The following PTPRN2 variants were observed in gnomAD, a reference collection of about 807,000 sequenced individuals.
PTPRN2 encodes the protein protein tyrosine phosphatase receptor type N2, also known as receptor-type tyrosine-protein phosphatase N2.
In PTPRN2, 74 loss-of-function variants were observed where a neutral mutation model predicts 118.8. The observed-to-expected ratio is 0.62, with a 90% CI of 0.52 to 0.76. The LOEUF is 0.76. Among genes scored for constraint, PTPRN2 ranks in the 30% least tolerant of loss-of-function variants. The pLI, the probability that PTPRN2 is intolerant of heterozygous loss-of-function variation, is 0.00. For missense variants in PTPRN2, 1,481 were observed against 1,394.4 expected (o/e 1.06, Z -0.99); for synonymous variants, 641 against 608.0 (o/e 1.05, Z -0.80).
At chr7:157,817,137 G>C (rs2071375394) in intron 12 of PTPRN2, among the ~76,000 whole-genome samples, 1 of 152,246 alleles carries the variant, frequency 6.6e-6, no homozygotes, top group Non-Finnish European at 1.5e-5. Context: ...CTCCTCCCCA[G>C]GCTGCTTACG....
At chr7:158,004,978 C>T (rs1805538506) in intron 11 of PTPRN2, among the ~76,000 whole-genome samples, 1 of 152,092 alleles carries the variant, frequency 6.6e-6, no homozygotes, top group Non-Finnish European at 1.5e-5. Context: ...GGGAGAAACA[C>T]ACACCTCCCC....
At chr7:158,227,500 C>T (rs563713084) in intron 3 of PTPRN2, among the ~76,000 whole-genome samples, 1 of 152,224 alleles carries the variant, frequency 6.6e-6, no homozygotes, top group African/African-American at 2.4e-5. Flanking sequence ...GAGCCCCTGA[C>T]GTGTGACGGG....
Position 157,617,129 on chromosome 7 carries a change from T to C in PTPRN2, c.2344+4233A>G. The C allele has an allele frequency of 6.6e-6, 1 of 152,412 alleles. No individual in the cohort carries two copies. The highest frequency in any genetic ancestry group is 1.5e-5 in the Non-Finnish European group (1 of 68,090). 9.4% of individuals were successfully genotyped at this position (152,412 alleles called of 1,614,324 possible). ...TTGTCGGCCAAGTGGGGGGGTTTCT[T>C]GTGAGGACCAGAGGTGGCACATCCA... On this transcript the variant is annotated intron_variant, in intron 15 of 22. Coordinates refer to ENST00000389418, the MANE Select transcript of PTPRN2 (RefSeq NM_002847.5). This position sits in a 1 kb window ranked among gnomAD's most constrained non-coding sequence, Gnocchi z 7.5.
intron 2 of PTPRN2, among the ~76,000 whole-genome samples, chr7:158,432,492 A>G (rs1260660906): frequency 4.6e-5 from 7 of 152,204 alleles, no homozygotes; most frequent in African/African-American, 1.4e-4. Context: ...CCCCACCTCT[A>G]CCAGGGAAGG....
chr7:158,177,695 T>C (rs1296914516), intron 5 of PTPRN2, among the ~76,000 whole-genome samples: 1 of 152,258 alleles, frequency 6.6e-6, no homozygotes, highest in Non-Finnish European at 1.5e-5. Flanking sequence ...TGCTGTTTCA[T>C]GCATCAACAG....
rs1318523573 is a variant in PTPRN2, at chr7:157,801,686, T to C, written c.1788+96987A>G. On this transcript the variant is annotated intron_variant, in intron 12 of 22. Coordinates refer to ENST00000389418, the MANE Select transcript of PTPRN2 (RefSeq NM_002847.5). This position sits in a 1 kb window ranked among gnomAD's most constrained non-coding sequence, Gnocchi z 4.2. ...AATTTGATGGGCACGCTATGATTTA[T>C]TGCCAAATGATATTTAAGAAAAATT... Among the ~76,000 whole-genome samples, 3 of 152,188 alleles carry C rather than the reference T, an allele frequency of 2.0e-5. No individual in the cohort carries two copies. Among genetic ancestry groups the C allele is most frequent in the Non-Finnish European group, 4.4e-5 (3 of 68,030 alleles).
chr7:157,613,213 G>A lies in PTPRN2; in HGVS notation c.2344+8149C>T, dbSNP rs777109961. Among the ~76,000 whole-genome samples the A allele has an allele frequency of 3.3e-5, 5 of 152,258 alleles. No homozygotes were observed. The East Asian group carries it at 5.8e-4, about 18-fold the overall frequency. ...CCGCAAACAGGTCGAGGGCGCTGAC[G>A]AGGCCGTTTTCTGGGCTAAGCAGCG... On this transcript the variant is annotated intron_variant, in intron 15 of 22. Transcript: ENST00000389418.
At chr7:158,340,677 C>T (rs553100477) in intron 2 of PTPRN2, among the ~76,000 whole-genome samples, 2 of 96,384 alleles carry the variant, frequency 2.1e-5, no homozygotes, top group Non-Finnish European at 4.6e-5. Context: ...CACACCCACA[C>T]TCTCACCATA....
intron 12 of PTPRN2, among the ~76,000 whole-genome samples, chr7:157,772,120 T>G (rs556869506): frequency 2.4e-5 from 3 of 124,980 alleles, no homozygotes; most frequent in South Asian, 5.2e-4. Flanking sequence ...CACACAGACA[T>G]ACACATACAC....
chr7:157,995,415 C>G (rs1804653890), intron 11 of PTPRN2, among the ~76,000 whole-genome samples: 1 of 152,272 alleles, frequency 6.6e-6, no homozygotes, highest in Non-Finnish European at 1.5e-5. Flanking sequence ...CGGTTTCTAT[C>G]TGGTTTTATT....
intron 12 of PTPRN2, among the ~76,000 whole-genome samples, chr7:157,710,027 T>TGTGGGGGTCGGACGC: frequency 6.6e-6 from 1 of 152,252 alleles, no homozygotes; most frequent in African/African-American, 2.4e-5. Flanking sequence ...CAGGTGGCTC[T>TGTGGGGGTCGGACGC]GTGGGGGTCG....
intron 1 of PTPRN2, among the ~76,000 whole-genome samples, chr7:158,540,346 G>A (rs551158106): frequency 7.2e-5 from 11 of 152,254 alleles, no homozygotes; most frequent in South Asian, 2.1e-4. Flanking sequence ...CCCCTCCCTC[G>A]GGCCAGAGGA....
chr7:157,651,591 C>A (rs1209074329), intron 14 of PTPRN2, among the ~76,000 whole-genome samples: 1 of 152,198 alleles, frequency 6.6e-6, no homozygotes, highest in Non-Finnish European at 1.5e-5. Context: ...ACACTCTTCT[C>A]CACCTCCTCA....
chr7:158,573,411 A>C (rs561641908), intron 1 of PTPRN2, among the ~76,000 whole-genome samples: 1 of 152,364 alleles, frequency 6.6e-6, no homozygotes, highest in African/African-American at 2.4e-5. Context: ...AATTTTAAAA[A>C]TAAAGAGTCA....
At position 158,277,918 on chromosome 7, in the gene PTPRN2, C is replaced by T. The variant is rs149476547; in HGVS notation, c.277+38901G>A. 4.8e-3 allele frequency among the ~76,000 whole-genome samples: 726 copies of T among 152,240 alleles called. 2 individuals carry two copies. The highest frequency in any genetic ancestry group is 5.8e-3 in the Non-Finnish European group (394 of 68,018). ...AGAGTCTAAGAGAAAGGCTCTCAGCCGGGCAGGACCACCAGGCACACAAGG... is the reference window on the plus strand; with the variant it reads ...AGAGTCTAAGAGAAAGGCTCTCAGCTGGGCAGGACCACCAGGCACACAAGG... On this transcript the variant is annotated intron_variant, in intron 3 of 22. Coordinates refer to ENST00000389418, the MANE Select transcript of PTPRN2 (RefSeq NM_002847.5).
intron 12 of PTPRN2, among the ~76,000 whole-genome samples, chr7:157,849,969 G>C (rs574547011): frequency 6.6e-6 from 1 of 152,232 alleles, no homozygotes; most frequent in Admixed American, 6.5e-5. Context: ...CAGGCTCCCC[G>C]TCCCTCAGGG....
chr7:157,631,986 C>G (rs551344606), intron 14 of PTPRN2, among the ~76,000 whole-genome samples: 1 of 152,168 alleles, frequency 6.6e-6, no homozygotes, highest in Admixed American at 6.5e-5. Flanking sequence ...ACAGACCTTA[C>G]GTACTTTCCG....
chr7:157,853,113 C>T (rs958918984), intron 12 of PTPRN2, among the ~76,000 whole-genome samples: 2 of 152,110 alleles, frequency 1.3e-5, no homozygotes, highest in African/African-American at 4.8e-5. Context: ...TTGGGTCTTT[C>T]TTGTACTCAC....
intron 5 of PTPRN2, among the ~76,000 whole-genome samples, chr7:158,171,336 T>TATAC (rs1823676519): frequency 8.3e-6 from 1 of 121,176 alleles, no homozygotes; most frequent in African/African-American, 3.2e-5. Flanking sequence ...TATATATATA[T>TATAC]ATATATATAT....
Sources: allele counts gnomAD v4.1 joint callset (sites outside exome capture counted in the v4.1 genomes callset), GRCh38; gene constraint gnomAD v4.1.1; non-coding constraint Gnocchi (gnomAD v3.1); transcripts MANE v1.5; gene names NCBI Gene and HGNC (gene_info 2026-07-23, HGNC 2026-07-21).